The following THSD4 variants were observed in gnomAD, a reference collection of about 807,000 sequenced individuals.
THSD4 encodes the protein thrombospondin type 1 domain containing 4.
Under a neutral mutation model 119.0 loss-of-function variants are expected in THSD4, and 69 were observed. The ratio of observed to expected loss-of-function variants is 0.58; its 90% CI spans 0.48 to 0.71. The LOEUF is 0.71. Ranked by LOEUF, THSD4 falls within the 30% of genes least tolerant of loss-of-function variation. The probability of loss-of-function intolerance (pLI) is 0.00; values close to 1 mark genes in which losing one functional copy is unlikely to be tolerated. For synonymous variants in THSD4, 524 were observed against 540.4 expected, an observed-to-expected ratio of 0.97 and a Z score of 0.42; for missense variants, 1,393 against 1,391.1, an observed-to-expected ratio of 1.00 and a Z score of -0.02.
At position 71,377,477 on chromosome 15, in the gene THSD4, A is replaced by G. The variant is rs2046153981; in HGVS notation, c.1016-34210A>G. Among the ~76,000 whole-genome samples, 8 of 152,132 alleles carry G rather than the reference A, an allele frequency of 5.3e-5. No homozygotes were observed. In the South Asian group the frequency reaches 1.5e-3, roughly 28 times the overall value. On this transcript the variant is annotated intron_variant, in intron 6 of 17. Coordinates refer to ENST00000261862, the MANE Select transcript of THSD4 (RefSeq NM_024817.3). ...AATGTCTGCATCGGGGTGGAGAAAAAAGTAGAATCAGGGAAGGAACAACCC... is the reference window on the plus strand; with the variant it reads ...AATGTCTGCATCGGGGTGGAGAAAAGAGTAGAATCAGGGAAGGAACAACCC...
intron 7 of THSD4, among the ~76,000 whole-genome samples, chr15:71,558,677 A>C (rs2049062829): frequency 6.6e-6 from 1 of 151,922 alleles, no homozygotes. Context: ...TTCTATGTTG[A>C]CCAAGCTGAT....
chr15:71,668,113 T>C (rs1193666277), intron 8 of THSD4, among the ~76,000 whole-genome samples: 1 of 152,210 alleles, frequency 6.6e-6, no homozygotes, highest in Non-Finnish European at 1.5e-5. Context: ...TACTGAGGGA[T>C]GTTTAGATTG....
intron 6 of THSD4, among the ~76,000 whole-genome samples, chr15:71,262,994 C>T (rs2044418938): frequency 6.6e-6 from 1 of 151,432 alleles, no homozygotes; most frequent in African/African-American, 2.4e-5. Flanking sequence ...GGTACATGTG[C>T]AGGATGTACA....
intron 8 of THSD4, among the ~76,000 whole-genome samples, chr15:71,705,407 G>A (rs1450571523): frequency 6.6e-6 from 1 of 152,204 alleles, no homozygotes; most frequent in Non-Finnish European, 1.5e-5. Flanking sequence ...GACTTCTATT[G>A]TTAATGAAGT....
intron 6 of THSD4, among the ~76,000 whole-genome samples, chr15:71,282,278 C>A (rs1024585280): frequency 6.6e-6 from 1 of 152,186 alleles, no homozygotes; most frequent in African/African-American, 2.4e-5. Flanking sequence ...TAAACCGTGG[C>A]GTCCAGCAGT....
rs563063817 is a variant in THSD4, at chr15:71,351,798, C to T, written c.1016-59889C>T. Among the ~76,000 whole-genome samples the T allele has an allele frequency of 5.6e-4, 85 of 152,346 alleles. 2 individuals are homozygous for T. In the South Asian group the frequency reaches 0.016, roughly 28 times the overall value. On this transcript the variant is annotated intron_variant, in intron 6 of 17. Coordinates refer to ENST00000261862, the MANE Select transcript of THSD4 (RefSeq NM_024817.3). ...CAAGTTTCCTTTCTGCAACACTTCT[C>T]CCAACTTGGTCCATGCCTTTGCTTT...
rs553607723 is a variant in THSD4 at position 71,317,395 on chromosome 15, T to A, written c.1015+60680T>A. On this transcript the variant is annotated intron_variant, in intron 6 of 17. Transcript: ENST00000261862. ...CCACATGGCTATGGAGGCTTCACAG[T>A]AATGGCAGAAGGTGATGGAGGAGCA... 1.1e-4 allele frequency among the ~76,000 whole-genome samples: 17 copies of A among 152,276 alleles called. No homozygotes were observed. In the East Asian group the frequency reaches 3.3e-3, roughly 29 times the overall value.
In THSD4 at chr15:71,368,773, T is replaced by C. The variant is rs570404893; in HGVS notation, c.1016-42914T>C. Among the ~76,000 whole-genome samples the C allele has an allele frequency of 1.7e-4, 26 of 152,334 alleles. No homozygotes were observed. The South Asian group carries it at 2.3e-3, about 13-fold the overall frequency. On this transcript the variant is annotated intron_variant, in intron 6 of 17. Coordinates refer to ENST00000261862, the MANE Select transcript of THSD4 (RefSeq NM_024817.3). ...GGATTGTCTTGGCTATGTGCGCTCT[T>C]TTTTGGTTCCATATGAACTTTAAAG...
intron 14 of THSD4, among the ~76,000 whole-genome samples, chr15:71,753,249 G>GT (rs2053482240): frequency 6.6e-6 from 1 of 152,156 alleles, no homozygotes. Flanking sequence ...GGCCTTATCA[G>GT]AAGTAAGCAT....
chr15:71,192,741 G>C (rs1210416922), intron 3 of THSD4, among the ~76,000 whole-genome samples: 1 of 152,062 alleles, frequency 6.6e-6, no homozygotes, highest in Non-Finnish European at 1.5e-5. Context: ...GACCTTCCTA[G>C]AGTTGACTTA....
chr15:71,545,583 G>C (rs75391596), intron 7 of THSD4, among the ~76,000 whole-genome samples: 1 of 152,184 alleles, frequency 6.6e-6, no homozygotes, highest in South Asian at 2.1e-4. Context: ...CAACACTCCT[G>C]GTCTTTCAAG....
intron 6 of THSD4, among the ~76,000 whole-genome samples, chr15:71,352,501 A>G (rs769125536): frequency 6.6e-6 from 1 of 152,178 alleles, no homozygotes; most frequent in Non-Finnish European, 1.5e-5. Context: ...AGCTGTTATG[A>G]GTGGAGTTAA....
At chr15:71,500,703 A>C (rs2048098025) in intron 7 of THSD4, among the ~76,000 whole-genome samples, 1 of 152,250 alleles carries the variant, frequency 6.6e-6, no homozygotes, top group Non-Finnish European at 1.5e-5. Context: ...ATAGAAATCC[A>C]GTTTTCCCAA....
At chr15:71,454,021 C>G (rs1038888723) in intron 7 of THSD4, among the ~76,000 whole-genome samples, 2 of 152,190 alleles carry the variant, frequency 1.3e-5, no homozygotes, top group East Asian at 3.9e-4. Context: ...CTTTGGGAGG[C>G]CAAGGCAGAT....
At chr15:71,631,577 G>C (rs978813373) in intron 7 of THSD4, among the ~76,000 whole-genome samples, 1 of 152,210 alleles carries the variant, frequency 6.6e-6, no homozygotes, top group Non-Finnish European at 1.5e-5. Context: ...GCTTGAAAGA[G>C]GAACCCTAAA....
At chr15:71,605,209 C>T (rs1422130435) in intron 7 of THSD4, among the ~76,000 whole-genome samples, 1 of 152,156 alleles carries the variant, frequency 6.6e-6, no homozygotes, top group Non-Finnish European at 1.5e-5. Context: ...TTGACAGGGA[C>T]CAGACCGTGC....
chr15:71,758,385 C>G lies in THSD4; in HGVS notation c.2589+310C>G, dbSNP rs185115306. On this transcript the variant is annotated intron_variant, in intron 15 of 17. Transcript: ENST00000261862. ...CTATACAATGCTGGCAGTGATGGTA[C>G]CTTATGAGGTTATTTTTAGAAGAAA... Among the ~76,000 whole-genome samples, 17 of 152,240 alleles carry G rather than the reference C, an allele frequency of 1.1e-4. No individual in the cohort carries two copies. In the East Asian group the frequency reaches 2.5e-3, roughly 22 times the overall value.
At chr15:71,558,339 T>C (rs62022770) in intron 7 of THSD4, among the ~76,000 whole-genome samples, 11,582 of 152,226 alleles carry the variant, frequency 0.076, 574 homozygotes, top group Middle Eastern at 0.13. Context: ...GAAAAAAATA[T>C]ATGTGTGTGT....
At chr15:71,774,271 A>G (rs959031110) in intron 17 of THSD4, among the ~76,000 whole-genome samples, 1 of 149,254 alleles carries the variant, frequency 6.7e-6, no homozygotes, top group Non-Finnish European at 1.5e-5. Flanking sequence ...TGATCGCACT[A>G]CTGCACTCCA....
Sources: gnomAD v4.1 joint callset for allele counts (sites outside exome capture counted in the v4.1 genomes callset) on GRCh38, gnomAD v4.1.1 for gene constraint, MANE v1.5 for transcripts, NCBI Gene and HGNC (gene_info 2026-07-23, HGNC 2026-07-21) for gene names.